ARHGAP28: variants seen among roughly 807,000 people sequenced by gnomAD.
The protein encoded by ARHGAP28 is Rho GTPase activating protein 28.
A neutral mutation model predicts 90.7 loss-of-function variants in ARHGAP28; 56 were observed. The observed-to-expected ratio is 0.62, with a 90% CI of 0.50 to 0.77. ARHGAP28 has a LOEUF of 0.77. ARHGAP28 is among the 30% of genes least tolerant of loss of function. ARHGAP28 has a pLI of 0.00. For synonymous variants in ARHGAP28, 308 were observed against 323.3 expected (o/e 0.95, Z 0.51); for missense variants, 869 against 900.9 (o/e 0.96, Z 0.45).
chr18:6,862,596 C>T (rs764037001), intron 5 of ARHGAP28, among the ~76,000 whole-genome samples: 2 of 152,168 alleles, frequency 1.3e-5, no homozygotes, highest in Non-Finnish European at 2.9e-5. Flanking sequence ...AGGGTAAGTT[C>T]CCCTTCATCA....
intron 1 of ARHGAP28, among the ~76,000 whole-genome samples, chr18:6,773,183 A>T (rs767673545): frequency 1.3e-5 from 2 of 152,238 alleles, no homozygotes; most frequent in South Asian, 2.1e-4. Flanking sequence ...TTGTATGTTA[A>T]TGTATGCCAG....
intron 1 of ARHGAP28, among the ~76,000 whole-genome samples, chr18:6,750,698 C>T (rs1309017637): frequency 6.6e-6 from 1 of 151,114 alleles, no homozygotes; most frequent in Non-Finnish European, 1.5e-5. Flanking sequence ...GGTCTCTCTT[C>T]TTCTTATAAA....
At chr18:6,753,818 GTAAA>G (rs1226377213) in intron 1 of ARHGAP28, among the ~76,000 whole-genome samples, 5 of 152,226 alleles carry the variant, frequency 3.3e-5, no homozygotes, top group Admixed American at 3.3e-4. Flanking sequence ...TTTTGTCTTA[GTAAA>G]TATGGCCTCT....
chr18:6,913,162 A>G lies in ARHGAP28; in HGVS notation c.*1008A>G, dbSNP rs531999569. On this transcript the variant is annotated 3_prime_UTR_variant, in exon 18 of 18. Transcript: ENST00000383472. ...TTGCTTTTGTTTGTTAATCATAGGCATGGCCGAGCATTGTGGATTAGCCTG... is the reference window on the plus strand; with the variant it reads ...TTGCTTTTGTTTGTTAATCATAGGCGTGGCCGAGCATTGTGGATTAGCCTG... 6.6e-6 allele frequency: 1 copy of G among 152,332 alleles called. No homozygotes were observed. Among genetic ancestry groups the G allele is most frequent in the African/African-American group, 2.4e-5 (1 of 41,584 alleles). 9.4% of individuals were successfully genotyped at this position (152,332 alleles called of 1,614,324 possible).
Position 6,870,621 on chromosome 18 carries a change from A to C in ARHGAP28, c.843A>C (p.Pro281=). ...ATTTTCTGGAAAAGAACATTCCACC[A>C]GAGGCTGAAGAGCTGTCATTTGAAG... ...DDDFLEKNIP[P]EAEELSFEVS... Residue 281 remains proline (P), a synonymous_variant, in exon 7 of 18, where the codon CCA becomes CCC. Coordinates refer to ENST00000383472, the MANE Select transcript of ARHGAP28 (RefSeq NM_001366230.1). The C allele has an allele frequency of 1.2e-6, 2 of 1,612,834 alleles. No individual in the cohort carries two copies. Among genetic ancestry groups the C allele is most frequent in the Non-Finnish European group, 1.7e-6 (2 of 1,179,278 alleles).
intron 10 of ARHGAP28, among the ~76,000 whole-genome samples, chr18:6,879,796 ATAT>A (rs1484711666): frequency 6.6e-6 from 1 of 152,118 alleles, no homozygotes; most frequent in East Asian, 1.9e-4. Context: ...GCTCTACATG[ATAT>A]TATTTGTTTT....
At chr18:6,904,192 G>A (rs374355171) in intron 16 of ARHGAP28, among the ~76,000 whole-genome samples, 2 of 152,258 alleles carry the variant, frequency 1.3e-5, no homozygotes, top group East Asian at 1.9e-4. Flanking sequence ...TCAGAAGTTC[G>A]AGAGCAGCCT....
chr18:6,900,880 A>C (rs1203818302), intron 16 of ARHGAP28, among the ~76,000 whole-genome samples: 2 of 151,310 alleles, frequency 1.3e-5, no homozygotes, highest in African/African-American at 4.8e-5. Flanking sequence ...ACTTGTAAAA[A>C]TTAAAGACAA....
chr18:6,839,054 T>A (rs2056776385), intron 3 of ARHGAP28, among the ~76,000 whole-genome samples: 1 of 152,218 alleles, frequency 6.6e-6, no homozygotes, highest in Admixed American at 6.5e-5. Context: ...TTATGTCTAG[T>A]GGCACTTAGA....
At chr18:6,890,616 G>C (rs1003941817) in intron 14 of ARHGAP28, 73 bp downstream of exon 14, 9 of 890,318 alleles carry the variant, frequency 1.0e-5, no homozygotes, top group Non-Finnish European at 1.4e-5. Context: ...GCACAAAGTA[G>C]CTTGTCATTT....
At chr18:6,746,642 C>T (rs946027204) in intron 1 of ARHGAP28, among the ~76,000 whole-genome samples, 1 of 152,180 alleles carries the variant, frequency 6.6e-6, no homozygotes, top group East Asian at 1.9e-4. Flanking sequence ...AACACTGAGT[C>T]TCAGAGTAGT....
At chr18:6,752,384 C>A (rs2056076586) in intron 1 of ARHGAP28, among the ~76,000 whole-genome samples, 1 of 152,184 alleles carries the variant, frequency 6.6e-6, no homozygotes. Flanking sequence ...AACAATGAAG[C>A]AAAACAGACC....
At chr18:6,782,937 A>G (rs953106583) in intron 1 of ARHGAP28, among the ~76,000 whole-genome samples, 3 of 152,000 alleles carry the variant, frequency 2.0e-5, no homozygotes, top group Non-Finnish European at 2.9e-5. Flanking sequence ...TCCATCAGTA[A>G]CATTGTATCT....
chr18:6,775,029 G>A (rs757690822), intron 1 of ARHGAP28, among the ~76,000 whole-genome samples: 3 of 152,078 alleles, frequency 2.0e-5, no homozygotes, highest in African/African-American at 2.4e-5. Flanking sequence ...GCTCTTCTTC[G>A]GGAAACACAA....
rs572664140 is a variant in ARHGAP28, at chr18:6,831,577, T to C, written c.326-5620T>C. On this transcript the variant is annotated intron_variant, in intron 2 of 17. Transcript: ENST00000383472. ...ATATGTATACATGTGCCATGCTGGT[T>C]GTATCTTGATGTTATATACTATTAG... Among the ~76,000 whole-genome samples, 6 of 151,816 alleles carry C rather than the reference T, an allele frequency of 4.0e-5. No individual in the cohort carries two copies. In the South Asian group the frequency reaches 8.3e-4, roughly 21 times the overall value.
chr18:6,854,294 T>A (rs1050230287), intron 4 of ARHGAP28, among the ~76,000 whole-genome samples: 2 of 152,148 alleles, frequency 1.3e-5, no homozygotes, highest in African/African-American at 4.8e-5. Context: ...TAAATAAACT[T>A]CTCTAGGTTT....
chr18:6,847,525 A>T (rs919131852), intron 3 of ARHGAP28, among the ~76,000 whole-genome samples: 1 of 152,136 alleles, frequency 6.6e-6, no homozygotes, highest in Non-Finnish European at 1.5e-5. Context: ...GCAGAGGCCA[A>T]TAAGGTCTGA....
chr18:6,890,084 A>C lies in ARHGAP28; in HGVS notation c.1733A>C (p.Lys578Thr). 4 of 1,614,152 alleles carry C rather than the reference A, an allele frequency of 2.5e-6. No individual in the cohort carries two copies. Among genetic ancestry groups the C allele is most frequent in the Non-Finnish European group, 3.4e-6 (4 of 1,179,998 alleles). Residue 578 changes from lysine to threonine, a missense_variant and splice_region_variant, in exon 13 of 18, where the codon AAG (lysine) becomes ACG (threonine). By Grantham distance (78) the Lys-to-Thr change is moderately conservative. Transcript: ENST00000383472. ...LMLKYQKILW[K>T]VPSFLITQVR... ...CTTAAGTACCAGAAGATTTTGTGGA[A>C]GGTGAGTGACATAGTGATGACAGGT...
intron 16 of ARHGAP28, among the ~76,000 whole-genome samples, chr18:6,908,472 A>G (rs1299871784): frequency 1.3e-5 from 2 of 152,190 alleles, no homozygotes; most frequent in South Asian, 2.1e-4. Flanking sequence ...AGAGACTTGC[A>G]ATGAAGTCAG....
Sources: gnomAD v4.1 joint callset for allele counts (sites outside exome capture counted in the v4.1 genomes callset) on GRCh38, gnomAD v4.1.1 for gene constraint, MANE v1.5 for transcripts, NCBI Gene and HGNC (gene_info 2026-07-23, HGNC 2026-07-21) for gene names.